CEACAM4: variants seen among roughly 807,000 people sequenced by gnomAD.
The protein encoded by CEACAM4 is cell adhesion molecule CEACAM4.
Under a neutral mutation model 28.7 loss-of-function variants are expected in CEACAM4, and 30 were observed. The ratio of observed to expected loss-of-function variants is 1.05; its 90% CI spans 0.78 to 1.42. The LOEUF (loss-of-function observed/expected upper bound fraction) is 1.42, where lower values mean the gene tolerates loss of function less well. CEACAM4 is among the 40% of genes most tolerant of loss of function. The pLI, the probability that CEACAM4 is intolerant of heterozygous loss-of-function variation, is 0.00. For missense variants in CEACAM4, 330 were observed against 308.2 expected (o/e 1.07, Z -0.53); for synonymous variants, 143 against 126.5 (o/e 1.13, Z -0.87).
At chr19:41,620,368 G>A (rs782798673) in intron 4 of CEACAM4, 126 bp from the exon 5 acceptor site, 132 of 974,038 alleles carry the variant, frequency 1.4e-4, no homozygotes, top group Non-Finnish European at 1.8e-4. Flanking sequence ...GGGGAGACCT[G>A]AGCAGCTGAG....
At chr19:41,616,524 GA>G (rs2070986177), downstream of CEACAM4, among the ~76,000 whole-genome samples, 2 of 148,744 alleles carry the variant, frequency 1.3e-5, no homozygotes, top group East Asian at 3.9e-4. Context: ...TAGATAGATA[GA>G]TAGATAGATA....
downstream of CEACAM4, among the ~76,000 whole-genome samples, chr19:41,618,620 G>C (rs1180837320): frequency 6.6e-6 from 1 of 152,164 alleles, no homozygotes; most frequent in Non-Finnish European, 1.5e-5. Context: ...GACACTGGAG[G>C]CTGCGTAGGG....
chr19:41,625,670 A>G lies in CEACAM4; in HGVS notation c.355T>C (p.Ser119Pro), dbSNP rs1333749467. The change falls in exon 2 of 7, where the codon TCC (serine) becomes CCC (proline). Residue 119 changes from serine (S) to proline (P), a missense_variant. Physicochemically the swap from Ser to Pro is moderately conservative, Grantham distance 74. Transcript: ENST00000221954. ...FQNITLEDAG[S>P]YTLRTINASY... ...GCATTTATGGTTCGTAGGGTGTAGG[A>G]TCCTGCGTCCTCCAGGGTGATGTTT... 2 of 1,612,574 alleles carry G rather than the reference A, an allele frequency of 1.2e-6. No individual in the cohort carries two copies. The highest frequency in any genetic ancestry group is 2.7e-5 in the African/African-American group (2 of 74,814).
rs367565204 is a variant in CEACAM4, at chr19:41,621,646, G to A, written c.542+5C>T. ...TGGGAGGAGGCTGGGGAAAAGCTGC[G>A]GTACCTTCCAGTCCTGGAGAGAAGC... is the stretch of plus-strand genomic sequence containing the variant. On this transcript the variant is annotated splice_donor_5th_base_variant and intron_variant, in intron 3 of 6. Transcript: ENST00000221954. 3.4e-5 allele frequency: 53 copies of A among 1,544,640 alleles called. No individual in the cohort carries two copies. The highest frequency in any genetic ancestry group is 1.9e-4 in the African/African-American group (14 of 73,590).
downstream of CEACAM4, among the ~76,000 whole-genome samples, chr19:41,617,217 T>C (rs12983719): frequency 0.38 from 57,134 of 151,948 alleles, 11,056 homozygotes; most frequent in African/African-American, 0.45. Flanking sequence ...CAGTCACCTC[T>C]GCTTTCTGTT....
rs1465379512 is a variant in CEACAM4, at chr19:41,625,717, G to T, written c.308C>A (p.Pro103His). The change falls in exon 2 of 7, where the codon CCC (proline) becomes CAC (histidine). Residue 103 changes from proline (P) to histidine (H), a missense_variant. Transcript: ENST00000221954. Reference protein sequence around the residue: ...AAYSGRETVYPNGSLLFQNIT... With the variant: ...AAYSGRETVYHNGSLLFQNIT... ...GTTTTGGAACAGCAGGGATCCATTG[G>T]GGTATACTGTCTCTCGACCACTGTA... is the stretch of plus-strand genomic sequence containing the variant. The T allele has an allele frequency of 6.2e-7, 1 of 1,613,864 alleles. No homozygotes were observed. The highest frequency in any genetic ancestry group is 8.5e-7 in the Non-Finnish European group (1 of 1,179,980).
downstream of CEACAM4, among the ~76,000 whole-genome samples, chr19:41,618,208 G>A (rs1390155718): frequency 6.6e-6 from 1 of 152,172 alleles, no homozygotes; most frequent in Non-Finnish European, 1.5e-5. Context: ...CCAGGGAGAG[G>A]AGCAGACAGG....
intron 5 of CEACAM4, 135 bp from the exon 6 acceptor site, chr19:41,619,846 A>G (rs558273293): frequency 1.8e-4 from 143 of 774,298 alleles, no homozygotes; most frequent in Admixed American, 6.0e-4. Flanking sequence ...CTCAGGATTG[A>G]CCAGCTCTGC....
At position 41,625,817 on chromosome 19, in the gene CEACAM4, C is replaced by T. The variant is rs1210425257; in HGVS notation, c.208G>A (p.Gly70Arg). 10 of 1,613,850 alleles carry T rather than the reference C, an allele frequency of 6.2e-6. No homozygotes were observed. The highest frequency in any genetic ancestry group is 1.3e-5 in the African/African-American group (1 of 74,858). The stretch of plus-strand genomic sequence containing the variant: ...AGAGGGCTCCCTTCTGCCGTTTTCC[C>T]CTTGTGCCAATAATAGGCTTGAATA... ...ETIQAYYWHK[G>R]KTAEGSPLIA... The change falls in exon 2 of 7, where the codon GGG becomes AGG. Residue 70 changes from glycine (G) to arginine (R), a missense_variant. By Grantham distance (125) the Gly-to-Arg change is moderately radical (BLOSUM62 -2). Coordinates refer to ENST00000221954, the MANE Select transcript of CEACAM4 (RefSeq NM_001817.4).
At chr19:41,626,075 T>A in intron 1 of CEACAM4, 115 bp from the exon 2 acceptor site, 3 of 94,686 alleles carry the variant, frequency 3.2e-5, no homozygotes, top group Non-Finnish European at 5.5e-5. Flanking sequence ...TGTGTGTGTG[T>A]GTGTGTGTGT....
chr19:41,614,525 C>T (rs373648942), downstream of CEACAM4, among the ~76,000 whole-genome samples: 11 of 152,204 alleles, frequency 7.2e-5, no homozygotes, highest in African/African-American at 2.4e-4. Flanking sequence ...TATTTGAGTA[C>T]TGCATGTGTT....
downstream of CEACAM4, among the ~76,000 whole-genome samples, chr19:41,618,621 C>T (rs1442570570): frequency 6.6e-6 from 1 of 152,156 alleles, no homozygotes; most frequent in African/African-American, 2.4e-5. Context: ...ACACTGGAGG[C>T]TGCGTAGGGG....
chr19:41,615,163 G>A (rs1568638023), downstream of CEACAM4, among the ~76,000 whole-genome samples: 1 of 152,050 alleles, frequency 6.6e-6, no homozygotes, highest in Non-Finnish European at 1.5e-5. Context: ...GAACAGAGGT[G>A]TGTTATGTGT....
chr19:41,623,235 A>G (rs1475473693), intron 2 of CEACAM4, among the ~76,000 whole-genome samples: 1 of 151,876 alleles, frequency 6.6e-6, no homozygotes, highest in Non-Finnish European at 1.5e-5. Flanking sequence ...CCAGGCTGGT[A>G]TCGAACTCCT....
rs1568644099 is a variant in CEACAM4, at chr19:41,619,298, C to CATCAACCCACAAGAGCAGCTCCCAGAGGA, written c.*3_*31dup. 1 of 1,593,738 alleles carries CATCAACCCACAAGAGCAGCTCCCAGAGGA rather than the reference C, an allele frequency of 6.3e-7. No homozygotes were observed. The highest frequency in any genetic ancestry group is 1.7e-5 in the Admixed American group (1 of 59,866). The stretch of plus-strand genomic sequence containing the variant: ...AGGGCTGGGAGCTTCGGGGACGCTC[C>CATCAACCCACAAGAGCAGCTCCCAGAGGA]ATCAACCCACAAGAGCAGCTCCCAG... On this transcript the variant is annotated 3_prime_UTR_variant, in exon 7 of 7. Coordinates refer to ENST00000221954, the MANE Select transcript of CEACAM4 (RefSeq NM_001817.4).
chr19:41,625,217 C>T (rs2071556814), intron 2 of CEACAM4, among the ~76,000 whole-genome samples: 1 of 152,196 alleles, frequency 6.6e-6, no homozygotes, highest in Non-Finnish European at 1.5e-5. Flanking sequence ...ACACAGGCTT[C>T]CCGGGGTCAC....
chr19:41,621,104 G>A (rs148589147), intron 3 of CEACAM4, among the ~76,000 whole-genome samples: 3,969 of 152,132 alleles, frequency 0.026, 93 homozygotes, highest in Admixed American at 0.067. Context: ...TGGGGCAATG[G>A]CCTTGTCCTC....
intron 2 of CEACAM4, among the ~76,000 whole-genome samples, chr19:41,623,208 G>A (rs1165187476): frequency 6.6e-6 from 1 of 152,088 alleles, no homozygotes; most frequent in Non-Finnish European, 1.5e-5. Flanking sequence ...AGTAGAGACG[G>A]GGTTTTGCCA....
chr19:41,623,237 C>T (rs1244286041), intron 2 of CEACAM4, among the ~76,000 whole-genome samples: 12 of 152,012 alleles, frequency 7.9e-5, no homozygotes, highest in African/African-American at 2.9e-4. Flanking sequence ...AGGCTGGTAT[C>T]GAACTCCTGA....
Sources: gnomAD v4.1 joint callset for allele counts (sites outside exome capture counted in the v4.1 genomes callset) on GRCh38, gnomAD v4.1.1 for gene constraint, MANE v1.5 for transcripts, NCBI Gene and HGNC (gene_info 2026-07-23, HGNC 2026-07-21) for gene names.